Variants in RSPO2 observed in about 807,000 individuals in gnomAD.
The protein encoded by RSPO2 is R-spondin 2.
A neutral mutation model predicts 30.9 loss-of-function variants in RSPO2; 14 were observed. The ratio of observed to expected loss-of-function variants is 0.45; its 90% CI spans 0.30 to 0.71. RSPO2 has a LOEUF of 0.71. RSPO2 is among the 30% of genes least tolerant of loss of function. The pLI is 0.08. For missense variants in RSPO2, 264 were observed against 301.9 expected (o/e 0.87, Z 0.93); for synonymous variants, 107 against 96.4 (o/e 1.11, Z -0.64).
At chr8:108,055,234 G>A (rs190993386) in intron 2 of RSPO2, among the ~76,000 whole-genome samples, 1 of 152,304 alleles carries the variant, frequency 6.6e-6, no homozygotes, top group Non-Finnish European at 1.5e-5. Context: ...TAGACAGAGT[G>A]AACAGCAAAT....
At chr8:108,049,441 G>T (rs1409769530) in intron 2 of RSPO2, among the ~76,000 whole-genome samples, 1 of 151,602 alleles carries the variant, frequency 6.6e-6, no homozygotes, top group African/African-American at 2.4e-5. Flanking sequence ...GAACATGCAG[G>T]TTTGTTACAT....
At chr8:108,023,410 T>C (rs1163892595) in intron 2 of RSPO2, among the ~76,000 whole-genome samples, 3 of 152,130 alleles carry the variant, frequency 2.0e-5, no homozygotes, top group Non-Finnish European at 1.5e-5. Context: ...AAGAGAGTCT[T>C]TGTCAAGGAA....
At chr8:108,066,621 A>G (rs1417417457) in intron 2 of RSPO2, among the ~76,000 whole-genome samples, 1 of 152,206 alleles carries the variant, frequency 6.6e-6, no homozygotes, top group East Asian at 1.9e-4. Context: ...TTTTCTAAGA[A>G]CCTGCAATTA....
intron 3 of RSPO2, among the ~76,000 whole-genome samples, chr8:107,987,898 G>T (rs1021511493): frequency 1.4e-4 from 22 of 152,160 alleles, no homozygotes; most frequent in Admixed American, 3.9e-4. Context: ...ATAAATATGA[G>T]ATTTAATTAT....
intron 2 of RSPO2, among the ~76,000 whole-genome samples, chr8:108,070,892 A>C (rs1812825391): frequency 6.6e-6 from 1 of 152,190 alleles, no homozygotes; most frequent in African/African-American, 2.4e-5. Flanking sequence ...CCTCTTCATA[A>C]AATACTTTTT....
chr8:107,901,258 A>T, intron 5 of RSPO2, 68 bp from the exon 6 acceptor site: 2 of 1,515,924 alleles, frequency 1.3e-6, no homozygotes, highest in Non-Finnish European at 1.8e-6. Flanking sequence ...AAACACAAAA[A>T]TATTGGGAGT....
intron 2 of RSPO2, among the ~76,000 whole-genome samples, chr8:108,071,875 T>C (rs1812857512): frequency 6.6e-6 from 1 of 152,214 alleles, no homozygotes; most frequent in South Asian, 2.1e-4. Flanking sequence ...GATTCCCTTC[T>C]TTTAATGTCT....
chr8:107,967,454 C>A (rs1813842193), intron 3 of RSPO2, among the ~76,000 whole-genome samples: 1 of 151,904 alleles, frequency 6.6e-6, no homozygotes, highest in Non-Finnish European at 1.5e-5. Flanking sequence ...AATTATTATA[C>A]CTAAAAGCTA....
intron 2 of RSPO2, among the ~76,000 whole-genome samples, chr8:107,999,371 C>A (rs1586614409): frequency 6.6e-6 from 1 of 152,108 alleles, no homozygotes; most frequent in Non-Finnish European, 1.5e-5. Flanking sequence ...GGTCTTAGAT[C>A]ATTTGGCTTC....
intron 2 of RSPO2, among the ~76,000 whole-genome samples, chr8:108,081,214 G>C (rs1323749866): frequency 6.6e-6 from 1 of 152,128 alleles, no homozygotes; most frequent in Non-Finnish European, 1.5e-5. Flanking sequence ...CAGTTATTTG[G>C]AGCTCTGCGC....
chr8:107,946,291 T>C (rs1813055532), intron 5 of RSPO2, among the ~76,000 whole-genome samples: 1 of 152,226 alleles, frequency 6.6e-6, no homozygotes, highest in South Asian at 2.1e-4. Context: ...TTTAGGTGGT[T>C]GGGCAAATCT....
chr8:107,932,561 C>T (rs888284359), intron 5 of RSPO2, among the ~76,000 whole-genome samples: 2 of 152,022 alleles, frequency 1.3e-5, no homozygotes, highest in Non-Finnish European at 2.9e-5. Context: ...ATAAACAGGT[C>T]ATAACAGGTA....
rs555279115 is a variant in RSPO2 at position 108,008,612 on chromosome 8, C to T, written c.95-19368G>A. On this transcript the variant is annotated intron_variant, in intron 2 of 5. Coordinates refer to ENST00000276659, the MANE Select transcript of RSPO2 (RefSeq NM_178565.5). ...AATATTGATGTCATCATATAAGTAACATGCTTAAATTATATGTATTAATAC... is the reference window on the plus strand; with the variant it reads ...AATATTGATGTCATCATATAAGTAATATGCTTAAATTATATGTATTAATAC... 2.6e-5 allele frequency among the ~76,000 whole-genome samples: 4 copies of T among 152,246 alleles called. No individual in the cohort carries two copies. The East Asian group carries it at 7.7e-4, about 29-fold the overall frequency.
chr8:107,983,047 C>G, intron 3 of RSPO2: 2 of 1,142,558 alleles, frequency 1.8e-6, no homozygotes, highest in Non-Finnish European at 1.2e-6. Flanking sequence ...GTCACGCTCC[C>G]CTGCAGTCCC....
At chr8:108,030,868 T>C (rs1315176871) in intron 2 of RSPO2, among the ~76,000 whole-genome samples, 2 of 152,238 alleles carry the variant, frequency 1.3e-5, no homozygotes, top group African/African-American at 4.8e-5. Context: ...TCAGAAGGTA[T>C]AGTATTACAA....
intron 5 of RSPO2, among the ~76,000 whole-genome samples, chr8:107,950,476 G>C (rs537240120): frequency 8.2e-6 from 1 of 121,734 alleles, no homozygotes; most frequent in African/African-American, 2.6e-5. Flanking sequence ...AGTTTTAATA[G>C]GTTACATTTT....
intron 2 of RSPO2, among the ~76,000 whole-genome samples, chr8:108,001,573 A>G (rs954058226): frequency 2.0e-5 from 3 of 152,224 alleles, no homozygotes; most frequent in African/African-American, 7.2e-5. Flanking sequence ...TACCAGAATC[A>G]CGAGCTCCTC....
intron 2 of RSPO2, among the ~76,000 whole-genome samples, chr8:108,061,970 A>T (rs1484865372): frequency 6.6e-6 from 1 of 151,892 alleles, no homozygotes; most frequent in Non-Finnish European, 1.5e-5. Flanking sequence ...AGAAATAAAG[A>T]TGTTCTTTGA....
chr8:108,059,312 A>T (rs1457979956), intron 2 of RSPO2, among the ~76,000 whole-genome samples: 5 of 151,954 alleles, frequency 3.3e-5, no homozygotes, highest in Non-Finnish European at 7.3e-5. Flanking sequence ...ATACCATCTC[A>T]TACCATTTAG....
Sources: allele counts gnomAD v4.1 joint callset (sites outside exome capture counted in the v4.1 genomes callset), GRCh38; gene constraint gnomAD v4.1.1; transcripts MANE v1.5; gene names NCBI Gene and HGNC (gene_info 2026-07-23, HGNC 2026-07-21).